The following KHNYN variants were observed in gnomAD, a reference collection of about 807,000 sequenced individuals.
KHNYN encodes protein KHNYN.
A neutral mutation model predicts 62.7 loss-of-function variants in KHNYN; 42 were observed. The observed-to-expected ratio is 0.67, with a 90% CI of 0.52 to 0.87. The LOEUF (loss-of-function observed/expected upper bound fraction) is 0.87. Ranked by LOEUF, KHNYN falls within the 40% of genes least tolerant of loss-of-function variation. The pLI is 0.00. For missense variants in KHNYN, 829 were observed against 874.1 expected (o/e 0.95, Z 0.65); for synonymous variants, 347 against 345.6 (o/e 1.00, Z -0.04).
upstream of KHNYN, chr14:24,428,705 G>C (rs1351713273): frequency 6.6e-7 from 1 of 1,519,182 alleles, no homozygotes; most frequent in Non-Finnish European, 8.8e-7. Context: ...GTTGCTTCCA[G>C]GTCCTTGCAG....
upstream of KHNYN, among the ~76,000 whole-genome samples, chr14:24,426,309 T>C (rs1299234779): frequency 6.6e-6 from 1 of 152,216 alleles, no homozygotes; most frequent in Non-Finnish European, 1.5e-5. Context: ...GTTCTGGGCC[T>C]GGAGTTACTT....
At position 24,431,920 on chromosome 14, in the gene KHNYN, A is replaced by T. The variant is rs1449447176; in HGVS notation, c.659A>T (p.Gln220Leu). 6.2e-7 allele frequency: 1 copy of T among 1,613,974 alleles called. No homozygotes were observed. Among genetic ancestry groups the T allele is most frequent in the South Asian group, 1.1e-5 (1 of 91,084 alleles). Residue 220 changes from glutamine (Q) to leucine (L), a missense_variant, in exon 3 of 8, where the codon CAG becomes CTG. Gln to Leu is a moderately radical substitution (Grantham distance 113). Transcript: ENST00000553935. ...CGGAGCTCAGCCTTGCTGGGTGCTC[A>T]GTGCCAAGGAGTGAGAGCTCCCCCT... ...EGRSSALLGA[Q>L]CQGVRAPPSD... is the part of the protein sequence containing the mutation.
Position 24,441,067 on chromosome 14 carries a change from T to A in KHNYN, c.*3782T>A. The A allele has an allele frequency of 3.2e-6, 3 of 940,642 alleles. No homozygotes were observed. The highest frequency in any genetic ancestry group is 5.1e-6 in the Non-Finnish European group (3 of 593,552). The allele number at this position is 940,642 out of a possible 1,614,324, so 58.3% of individuals were successfully genotyped here. On this transcript the variant is annotated 3_prime_UTR_variant, in exon 8 of 8. Transcript: ENST00000553935. ...ACAGAGCCATTTGGATATTTTCCCC[T>A]TGAACTTCTCCATGACCTGAAGCGT...
upstream of KHNYN, chr14:24,429,308 C>T (rs1161098942): frequency 1.5e-6 from 1 of 681,966 alleles, no homozygotes; most frequent in Non-Finnish European, 2.7e-6. Context: ...AGGGATGAAG[C>T]CGCCTGCCCA....
Position 24,437,474 on chromosome 14 carries a change from C to A in KHNYN, c.*189C>A. On this transcript the variant is annotated 3_prime_UTR_variant, in exon 8 of 8. Transcript: ENST00000553935. This position sits in a 1 kb window ranked among gnomAD's most constrained non-coding sequence, Gnocchi z 5.5. Reference sequence around the variant, plus strand: ...CTTACCGAGTCAGGACCTCAGCCAGCTCTCAAGAGGTTCTGCTCAGCCTTA... The same window carrying A: ...CTTACCGAGTCAGGACCTCAGCCAGATCTCAAGAGGTTCTGCTCAGCCTTA... 1 of 637,758 alleles carries A rather than the reference C, an allele frequency of 1.6e-6. No individual in the cohort carries two copies. The highest frequency in any genetic ancestry group is 2.6e-6 in the Non-Finnish European group (1 of 381,698). The allele number at this position is 637,758 out of a possible 1,614,324, so 39.5% of individuals were successfully genotyped here. A position where few individuals can be genotyped will look rare whatever the true frequency, so the allele number is the denominator to read the frequency against.
the KHNYN span, among the ~76,000 whole-genome samples, chr14:24,424,025 ACAAT>A: frequency 6.6e-6 from 1 of 152,254 alleles, no homozygotes; most frequent in Non-Finnish European, 1.5e-5. Flanking sequence ...TTGATTAAAA[ACAAT>A]CAAATCCTCC....
At chr14:24,429,612 C>T, upstream of KHNYN, 10 of 1,008,038 alleles carry the variant, frequency 9.9e-6, no homozygotes, top group African/African-American at 1.7e-5. Flanking sequence ...CTACCCCCTC[C>T]GCCACGATTG....
At chr14:24,434,513 C>T (rs965244816) in intron 5 of KHNYN, 18 of 317,428 alleles carry the variant, frequency 5.7e-5, no homozygotes, top group African/African-American at 4.1e-4. Flanking sequence ...CAAGTGATTC[C>T]CTTACCTCAG....
At chr14:24,423,219 GAATA>G in the KHNYN span, among the ~76,000 whole-genome samples, 1 of 152,310 alleles carries the variant, frequency 6.6e-6, no homozygotes, top group South Asian at 2.1e-4. Flanking sequence ...CTACCTGCAG[GAATA>G]GATAGAGCTG....
upstream of KHNYN, chr14:24,429,790 AGG>A: frequency 9.2e-7 from 1 of 1,085,358 alleles, no homozygotes; most frequent in Non-Finnish European, 1.1e-6. Context: ...GACAGACGGG[AGG>A]GCTGGTGAGA....
chr14:24,433,119 C>A, intron 5 of KHNYN, 87 bp downstream of exon 5: 2 of 1,273,762 alleles, frequency 1.6e-6, no homozygotes, highest in Non-Finnish European at 2.3e-6. Flanking sequence ...TGGTGGTTTA[C>A]GCTGTTTCTA....
At chr14:24,428,963 C>T (rs2043055745), upstream of KHNYN, 7 of 1,551,678 alleles carry the variant, frequency 4.5e-6, no homozygotes, top group Non-Finnish European at 6.1e-6. Context: ...CTCCTGGGCC[C>T]ACCCGGCCCC....
At position 24,437,062 on chromosome 14, in the gene KHNYN, A is replaced by G; in HGVS notation, c.1814A>G (p.His605Arg). The G allele has an allele frequency of 1.2e-6, 2 of 1,614,176 alleles. No homozygotes were observed. The highest frequency in any genetic ancestry group is 1.7e-6 in the Non-Finnish European group (2 of 1,180,008). The part of the protein sequence containing the change: ...ARTQGSSKAQ[H>R]PSRGFAEHGK... ...ACACAGGGGTCTTCTAAGGCTCAGC[A>G]TCCTTCCAGGGGCTTTGCAGAACAT... The change falls in exon 8 of 8, where the codon CAT (histidine) becomes CGT (arginine). Residue 605 changes from histidine (H) to arginine (R), a missense_variant. Coordinates refer to ENST00000553935, the MANE Select transcript of KHNYN (RefSeq NM_015299.3). The surrounding 1 kb of genome is among the most constrained non-coding windows in gnomAD (Gnocchi z 5.5).
upstream of KHNYN, chr14:24,429,706 A>T: frequency 1.0e-6 from 1 of 985,402 alleles, no homozygotes; most frequent in Non-Finnish European, 1.2e-6. Context: ...ATTCGCGGGA[A>T]ACAACTTTCA....
chr14:24,429,900 A>G, upstream of KHNYN: 1 of 1,013,040 alleles, frequency 9.9e-7, no homozygotes, highest in Non-Finnish European at 1.2e-6. Context: ...GAGGGCGCGC[A>G]GCCGGGAGGA....
Position 24,437,277 on chromosome 14 carries a change from A to C in KHNYN, c.2029A>C (p.Asn677His). Reference protein sequence around the residue: ...NQLSEALLSLNF With the variant: ...NQLSEALLSLHF ...ACTGTCTGAGGCCCTGCTCAGTCTTAACTTTTGAGCCTCACCTGCTTGAGT... is the reference window on the plus strand; with the variant it reads ...ACTGTCTGAGGCCCTGCTCAGTCTTCACTTTTGAGCCTCACCTGCTTGAGT... Residue 677 changes from asparagine to histidine, a missense_variant, in exon 8 of 8, where the codon AAC becomes CAC. By Grantham distance (68) the Asn-to-His change is moderately conservative. Around this residue, in one of 2 missense-constraint regions of KHNYN, gnomAD observed 270 missense variants for 347.1 expected, o/e 0.78. Transcript: ENST00000553935. This position sits in a 1 kb window ranked among gnomAD's most constrained non-coding sequence, Gnocchi z 5.5. 6.2e-7 allele frequency: 1 copy of C among 1,611,490 alleles called. No homozygotes were observed. The highest frequency in any genetic ancestry group is 8.5e-7 in the Non-Finnish European group (1 of 1,177,892).
chr14:24,429,014 T>G (rs762502274), upstream of KHNYN: 36 of 1,535,446 alleles, frequency 2.3e-5, no homozygotes, highest in Non-Finnish European at 3.0e-5. Flanking sequence ...CCCGGGACTG[T>G]GTAGGGGACC....
In KHNYN at chr14:24,440,798, C is replaced by T. The variant is rs749885036; in HGVS notation, c.*3513C>T. 2.5e-6 allele frequency: 4 copies of T among 1,613,886 alleles called. No individual in the cohort carries two copies. Among genetic ancestry groups the T allele is most frequent in the Admixed American group, 1.7e-5 (1 of 60,002 alleles). On this transcript the variant is annotated 3_prime_UTR_variant, in exon 8 of 8. Coordinates refer to ENST00000553935, the MANE Select transcript of KHNYN (RefSeq NM_015299.3). ...CGTTTCTCACCTGAGCGCACCACCA[C>T]CTGGCGTGTAGAATCTCCAGGAAGC...
At position 24,432,263 on chromosome 14, in the gene KHNYN, G is replaced by T; in HGVS notation, c.1002G>T (p.Arg334Ser). 6.2e-7 allele frequency: 1 copy of T among 1,613,094 alleles called. No individual in the cohort carries two copies. Among genetic ancestry groups the T allele is most frequent in the African/African-American group, 1.3e-5 (1 of 75,000 alleles). Residue 334 changes from arginine to serine, a missense_variant, in exon 3 of 8, where the codon AGG (arginine) becomes AGT (serine). Coordinates refer to ENST00000553935, the MANE Select transcript of KHNYN (RefSeq NM_015299.3). The surrounding 1 kb of genome is among the most constrained non-coding windows in gnomAD (Gnocchi z 5.6). ...EPPGAHGSCH[R>S]AAQSRGASLL... is the part of the protein sequence containing the mutation. ...CCGGTGCCCATGGCTCCTGTCACAG[G>T]GCAGCTCAGTCCCGAGGAGCCTCCC...
Sources: gnomAD v4.1 joint callset for allele counts (sites outside exome capture counted in the v4.1 genomes callset) on GRCh38, gnomAD v4.1.1 for gene constraint, gnomAD v4.1.1 regional missense constraint, Gnocchi (gnomAD v3.1) non-coding constraint, MANE v1.5 for transcripts, NCBI Gene and HGNC (gene_info 2026-07-23, HGNC 2026-07-21) for gene names.